The following LRMDA variants were observed in gnomAD, a reference collection of about 807,000 sequenced individuals.
LRMDA encodes leucine rich melanocyte differentiation associated.
Under a neutral mutation model 29.8 loss-of-function variants are expected in LRMDA, and 18 were observed. That is an observed-to-expected ratio of 0.60 (90% CI 0.42 to 0.90). The LOEUF (loss-of-function observed/expected upper bound fraction) is 0.90, where lower values mean the gene tolerates loss of function less well. LRMDA is among the 40% of genes least tolerant of loss of function. The probability of loss-of-function intolerance (pLI) is 0.00; values close to 1 mark genes in which losing one functional copy is unlikely to be tolerated. For missense variants in LRMDA, 273 were observed against 273.9 expected, an observed-to-expected ratio of 1.00 and a Z score of 0.02; for synonymous variants, 125 against 109.4, an observed-to-expected ratio of 1.14 and a Z score of -0.89.
chr10:75,830,428 T>C (rs1191375164), intron 2 of LRMDA, among the ~76,000 whole-genome samples: 1 of 152,206 alleles, frequency 6.6e-6, no homozygotes, highest in Non-Finnish European at 1.5e-5. Context: ...GACTGGGCAA[T>C]GTACAAAAGA....
intron 2 of LRMDA, among the ~76,000 whole-genome samples, chr10:75,872,791 C>A (rs1034710562): frequency 2.0e-5 from 3 of 152,138 alleles, no homozygotes; most frequent in Non-Finnish European, 4.4e-5. Context: ...TTTTCCCAAT[C>A]CACCCTGTTA....
chr10:76,290,411 CTTT>C (rs11321369), intron 5 of LRMDA, among the ~76,000 whole-genome samples: 1,942 of 76,762 alleles, frequency 0.025, 19 homozygotes, highest in African/African-American at 0.094. Flanking sequence ...TTTATTTTCT[CTTT>C]TTTTTTTTTT....
intron 2 of LRMDA, among the ~76,000 whole-genome samples, chr10:75,561,303 T>C (rs1033259759): frequency 2.0e-5 from 3 of 150,132 alleles, no homozygotes; most frequent in Non-Finnish European, 4.5e-5. Context: ...TTCTTCTAGA[T>C]TTTCTAGTTT....
At chr10:76,431,637 A>G (rs1367521134) in intron 6 of LRMDA, among the ~76,000 whole-genome samples, 2 of 152,176 alleles carry the variant, frequency 1.3e-5, no homozygotes, top group African/African-American at 4.8e-5. Flanking sequence ...TTATTATCCC[A>G]GTGGATGATA....
intron 5 of LRMDA, among the ~76,000 whole-genome samples, chr10:76,229,299 G>A (rs1460966041): frequency 6.6e-6 from 1 of 152,222 alleles, no homozygotes; most frequent in Non-Finnish European, 1.5e-5. Context: ...AACCCCGTGA[G>A]ATTCGAAGCT....
At chr10:75,617,009 A>G (rs1841111853) in intron 2 of LRMDA, among the ~76,000 whole-genome samples, 1 of 152,190 alleles carries the variant, frequency 6.6e-6, no homozygotes, top group Non-Finnish European at 1.5e-5. Context: ...GGATGACCTA[A>G]GTTGGCCTCA....
chr10:75,877,760 G>C (rs1845223458), intron 2 of LRMDA, among the ~76,000 whole-genome samples: 2 of 152,226 alleles, frequency 1.3e-5, no homozygotes, highest in South Asian at 4.1e-4. Context: ...AGACTCTCTT[G>C]AAGGGGAGGG....
chr10:76,329,918 A>G (rs1840884488), intron 6 of LRMDA, among the ~76,000 whole-genome samples: 1 of 152,194 alleles, frequency 6.6e-6, no homozygotes, highest in South Asian at 2.1e-4. Context: ...ATAAATACAG[A>G]GTGTTTTGCT....
intron 5 of LRMDA, among the ~76,000 whole-genome samples, chr10:76,249,444 AG>A (rs1371601319): frequency 6.6e-6 from 1 of 152,194 alleles, no homozygotes; most frequent in Non-Finnish European, 1.5e-5. Flanking sequence ...AGCTCTCAGT[AG>A]GTGCAGACCT....
At chr10:75,636,557 TC>T (rs1311206664) in intron 2 of LRMDA, among the ~76,000 whole-genome samples, 1 of 152,208 alleles carries the variant, frequency 6.6e-6, no homozygotes, top group Non-Finnish European at 1.5e-5. Flanking sequence ...TCATTTTTTT[TC>T]ATGAGATGTA....
chr10:75,478,115 C>A (rs568018904), intron 2 of LRMDA, among the ~76,000 whole-genome samples: 3 of 152,186 alleles, frequency 2.0e-5, no homozygotes, highest in Non-Finnish European at 4.4e-5. Context: ...TGGGAGGAGG[C>A]CTTTAAGCCT....
intron 2 of LRMDA, among the ~76,000 whole-genome samples, chr10:75,856,669 A>G (rs1844832666): frequency 6.6e-6 from 1 of 152,236 alleles, no homozygotes; most frequent in African/African-American, 2.4e-5. Context: ...TTAGGTATTG[A>G]TGGGACATAT....
chr10:76,057,186 C>G (rs1370340590), intron 4 of LRMDA, among the ~76,000 whole-genome samples: 1 of 152,128 alleles, frequency 6.6e-6, no homozygotes, highest in Non-Finnish European at 1.5e-5. Context: ...GTCAGTAGAC[C>G]TCTTGCTCTG....
chr10:75,562,453 A>T (rs537564826), intron 2 of LRMDA, among the ~76,000 whole-genome samples: 77 of 152,190 alleles, frequency 5.1e-4, no homozygotes, highest in Non-Finnish European at 9.8e-4. Context: ...TTTCCTGAAT[A>T]CAGCATGCTG....
intron 2 of LRMDA, among the ~76,000 whole-genome samples, chr10:75,589,925 G>C (rs1292306605): frequency 6.6e-6 from 1 of 151,506 alleles, no homozygotes; most frequent in African/African-American, 2.4e-5. Context: ...TCACATTTTT[G>C]GGTTCACATT....
At chr10:76,147,922 A>T (rs1850360291) in intron 5 of LRMDA, among the ~76,000 whole-genome samples, 1 of 152,164 alleles carries the variant, frequency 6.6e-6, no homozygotes, top group Non-Finnish European at 1.5e-5. Flanking sequence ...CCTCAGCTGC[A>T]GGTCTGTTGG....
intron 5 of LRMDA, among the ~76,000 whole-genome samples, chr10:76,218,394 T>C (rs766408498): frequency 1.3e-5 from 2 of 152,188 alleles, no homozygotes; most frequent in African/African-American, 2.4e-5. Context: ...TAAAAACAGC[T>C]TGTGGTGTTC....
At chr10:76,334,490 G>A (rs1460716393) in intron 6 of LRMDA, among the ~76,000 whole-genome samples, 1 of 152,176 alleles carries the variant, frequency 6.6e-6, no homozygotes, top group African/African-American at 2.4e-5. Context: ...AAATGATGAC[G>A]TTGTTGGCTG....
intron 2 of LRMDA, among the ~76,000 whole-genome samples, chr10:75,531,642 C>A (rs1347102709): frequency 6.6e-6 from 1 of 152,194 alleles, no homozygotes; most frequent in African/African-American, 2.4e-5. Flanking sequence ...CTAAAGCCAG[C>A]ACTCTTGTTC....
Sources: allele counts gnomAD v4.1 joint callset (sites outside exome capture counted in the v4.1 genomes callset), GRCh38; gene constraint gnomAD v4.1.1; transcripts MANE v1.5; gene names NCBI Gene and HGNC (gene_info 2026-07-23, HGNC 2026-07-21).